PTDSS2: variants seen among roughly 807,000 people sequenced by gnomAD.
PTDSS2 encodes phosphatidylserine synthase 2.
Under a neutral mutation model 64.7 loss-of-function variants are expected in PTDSS2, and 41 were observed. That is an observed-to-expected ratio of 0.63 (90% CI 0.49 to 0.82). The LOEUF is 0.82. Ranked by LOEUF, PTDSS2 falls within the 40% of genes least tolerant of loss-of-function variation. PTDSS2 has a pLI of 0.00. For synonymous variants in PTDSS2, 297 were observed against 277.8 expected (o/e 1.07, Z -0.69); for missense variants, 485 against 650.0 (o/e 0.75, Z 2.76).
chr11:489,371 C>T lies in PTDSS2; in HGVS notation c.855-29C>T, dbSNP rs767225453. On this transcript the variant is annotated intron_variant, in intron 8 of 11. Transcript: ENST00000308020. ...AGGGCAGGGTTCGGTGGGCTGCCTT[C>T]CTCAGGCTGCCGGCTCTGTGGTTCC... The T allele has an allele frequency of 3.0e-5, 47 of 1,590,996 alleles. No individual in the cohort carries two copies. The South Asian group carries it at 4.4e-4, about 15-fold the overall frequency.
chr11:474,246 T>C (rs1458360182), intron 3 of PTDSS2, among the ~76,000 whole-genome samples: 1 of 152,166 alleles, frequency 6.6e-6, no homozygotes, highest in Non-Finnish European at 1.5e-5. Context: ...TCTTCCTGCT[T>C]CTGCCTCCTC....
rs754657576 is a variant in PTDSS2 at position 456,921 on chromosome 11, C to T, written c.183-3266C>T. On this transcript the variant is annotated intron_variant, in intron 1 of 11. Coordinates refer to ENST00000308020, the MANE Select transcript of PTDSS2 (RefSeq NM_030783.3). ...ATAGTCACAATGAAACTTTTATTTA[C>T]CTCTGGTTGTCTTAAATGCCTAGTA... Among the ~76,000 whole-genome samples the T allele has an allele frequency of 3.3e-5, 5 of 152,294 alleles. No homozygotes were observed. The East Asian group carries it at 5.8e-4, about 18-fold the overall frequency.
At chr11:472,949 G>T (rs1346169620) in intron 2 of PTDSS2, among the ~76,000 whole-genome samples, 1 of 152,192 alleles carries the variant, frequency 6.6e-6, no homozygotes, top group Non-Finnish European at 1.5e-5. Flanking sequence ...GTGGTGCAGC[G>T]GCCAGTGGAT....
At chr11:450,691 C>T (rs376660349) in intron 1 of PTDSS2, 54 bp downstream of exon 1, 4 of 1,229,124 alleles carry the variant, frequency 3.3e-6, no homozygotes. Context: ...CCTGGGGGTT[C>T]CGGCACCGCT....
At chr11:483,785 G>A (rs1289738648) in intron 4 of PTDSS2, among the ~76,000 whole-genome samples, 1 of 152,096 alleles carries the variant, frequency 6.6e-6, no homozygotes, top group East Asian at 1.9e-4. Context: ...GGAATGTCTT[G>A]TTCTGGCTTT....
intron 7 of PTDSS2, 76 bp from the exon 8 acceptor site, chr11:488,453 C>A: frequency 1.4e-6 from 2 of 1,401,420 alleles, no homozygotes; most frequent in East Asian, 2.3e-5. Flanking sequence ...CTCGGTTCCC[C>A]TGTGCTCTTC....
At chr11:487,310 CCTT>C (rs1848438283) in intron 5 of PTDSS2, 107 bp from the exon 6 acceptor site, 1 of 1,122,468 alleles carries the variant, frequency 8.9e-7, no homozygotes, top group Non-Finnish European at 1.4e-6. Flanking sequence ...GAGTCCCTGG[CCTT>C]CTTCCCGGGG....
chr11:487,850 G>A (rs995732390), intron 6 of PTDSS2, among the ~76,000 whole-genome samples: 3 of 152,332 alleles, frequency 2.0e-5, no homozygotes, highest in East Asian at 1.9e-4. Context: ...CCCCGGGCAC[G>A]GGGATGCTGC....
intron 2 of PTDSS2, among the ~76,000 whole-genome samples, chr11:467,746 A>G (rs1325341193): frequency 6.6e-6 from 1 of 152,188 alleles, no homozygotes; most frequent in Non-Finnish European, 1.5e-5. Flanking sequence ...AAATATAGAT[A>G]TAGATATAGA....
intron 4 of PTDSS2, among the ~76,000 whole-genome samples, chr11:485,575 C>T (rs1848318821): frequency 3.4e-5 from 3 of 89,104 alleles, no homozygotes; most frequent in African/African-American, 1.1e-4. Flanking sequence ...TCACCGTGTG[C>T]GCAGGCGTGT....
chr11:483,753 GGTACT>G (rs1456129222), intron 4 of PTDSS2, among the ~76,000 whole-genome samples: 1 of 152,156 alleles, frequency 6.6e-6, no homozygotes, highest in East Asian at 1.9e-4. Flanking sequence ...ATTTGTAAGA[GGTACT>G]GTCCTTTAAT....
intron 3 of PTDSS2, among the ~76,000 whole-genome samples, chr11:478,747 G>A (rs985210354): frequency 1.3e-5 from 2 of 152,038 alleles, no homozygotes; most frequent in Non-Finnish European, 2.9e-5. Flanking sequence ...AAAAAAAAAG[G>A]TATCCACCAA....
intron 5 of PTDSS2, 28 bp downstream of exon 5, chr11:487,101 C>A (rs61876332): frequency 6.2e-7 from 1 of 1,600,048 alleles, no homozygotes; most frequent in East Asian, 2.2e-5. Flanking sequence ...CTGAGGCGAG[C>A]CCCTCCCCAG....
intron 2 of PTDSS2, among the ~76,000 whole-genome samples, chr11:465,492 G>A (rs1847101897): frequency 1.3e-5 from 2 of 152,356 alleles, no homozygotes; most frequent in South Asian, 4.1e-4. Flanking sequence ...AAACATCTGA[G>A]CTATCATGCT....
chr11:474,263 CAGACCAG>C (rs1162290091), intron 3 of PTDSS2, among the ~76,000 whole-genome samples: 2 of 152,182 alleles, frequency 1.3e-5, no homozygotes, highest in Non-Finnish European at 2.9e-5. Context: ...CCTCTTTCCA[CAGACCAG>C]AGTGGCCGAG....
chr11:456,077 G>A (rs1443109445), intron 1 of PTDSS2, among the ~76,000 whole-genome samples: 3 of 152,160 alleles, frequency 2.0e-5, no homozygotes, highest in Non-Finnish European at 4.4e-5. Flanking sequence ...CACAGCCAGA[G>A]CCACCGCGCT....
chr11:479,053 G>T lies in PTDSS2; in HGVS notation c.368-32G>T, dbSNP rs1486027446. 2 of 1,601,686 alleles carry T rather than the reference G, an allele frequency of 1.2e-6. No homozygotes were observed. The highest frequency in any genetic ancestry group is 8.6e-7 in the Non-Finnish European group (1 of 1,168,728). ...GCGGGGCCGTGGAGGCCTGGACCGG[G>T]CGCACTAACGTTCTGTCGTCTGTCT... On this transcript the variant is annotated intron_variant, in intron 3 of 11. Coordinates refer to ENST00000308020, the MANE Select transcript of PTDSS2 (RefSeq NM_030783.3). This position sits in a 1 kb window ranked among gnomAD's most constrained non-coding sequence, Gnocchi z 4.2.
At chr11:456,010 GACTTGCCTGCGGGC>G (rs1435897390) in intron 1 of PTDSS2, among the ~76,000 whole-genome samples, 1 of 152,142 alleles carries the variant, frequency 6.6e-6, no homozygotes, top group African/African-American at 2.4e-5. Flanking sequence ...TACCGGCCCT[GACTTGCCTGCGGGC>G]ACCACGCACA....
At chr11:488,372 C>T in intron 7 of PTDSS2, 60 bp downstream of exon 7, 1 of 1,469,198 alleles carries the variant, frequency 6.8e-7, no homozygotes, top group Non-Finnish European at 9.5e-7. Flanking sequence ...TCTCGGAACC[C>T]CTGTGCCCAG....
Sources: allele counts gnomAD v4.1 joint callset (sites outside exome capture counted in the v4.1 genomes callset), GRCh38; gene constraint gnomAD v4.1.1; non-coding constraint Gnocchi (gnomAD v3.1); transcripts MANE v1.5; gene names NCBI Gene and HGNC (gene_info 2026-07-23, HGNC 2026-07-21).